The following ODF2 variants were observed in gnomAD, a reference collection of about 807,000 sequenced individuals.
ODF2 encodes the protein outer dense fiber of sperm tails 2.
In ODF2, 47 loss-of-function variants were observed where a neutral mutation model predicts 110.2. The observed-to-expected ratio is 0.43, with a 90% confidence interval of 0.34 to 0.54. The LOEUF is 0.54. ODF2 is among the 20% of genes least tolerant of loss of function. The pLI, the probability that ODF2 is intolerant of heterozygous loss-of-function variation, is 0.03. For synonymous variants in ODF2, 352 were observed against 397.7 expected (o/e 0.89, Z 1.37); for missense variants, 812 against 1,054.5 (o/e 0.77, Z 3.19).
At chr9:128,465,982 A>G (rs766030529) in intron 4 of ODF2, among the ~76,000 whole-genome samples, 10 of 151,822 alleles carry the variant, frequency 6.6e-5, no homozygotes, top group Admixed American at 4.6e-4. Flanking sequence ...TCTACTAAAA[A>G]TACAAAAATT....
At chr9:128,456,505 C>T (rs1352287177) in intron 1 of ODF2, 6 of 1,526,494 alleles carry the variant, frequency 3.9e-6, no homozygotes, top group Non-Finnish European at 5.3e-6. Context: ...GGCTCTGCCC[C>T]TCCTCTGCCG....
intron 8 of ODF2, among the ~76,000 whole-genome samples, chr9:128,478,869 G>A (rs1841876009): frequency 6.6e-6 from 1 of 152,062 alleles, no homozygotes; most frequent in African/African-American, 2.4e-5. Flanking sequence ...TCGGCTCCAG[G>A]GCCCAGTACT....
chr9:128,465,945 G>C (rs1837749000), intron 4 of ODF2, among the ~76,000 whole-genome samples: 1 of 151,844 alleles, frequency 6.6e-6, no homozygotes, highest in Non-Finnish European at 1.5e-5. Context: ...TTTGAGACCA[G>C]CCTAGCCAAC....
chr9:128,475,568 T>C (rs780826836), intron 8 of ODF2, among the ~76,000 whole-genome samples: 2 of 152,182 alleles, frequency 1.3e-5, no homozygotes, highest in Non-Finnish European at 2.9e-5. Context: ...TGAAATCTTA[T>C]ATCCTTGACC....
In ODF2 at chr9:128,500,044, C is replaced by T. The variant is rs781027804; in HGVS notation, c.2302-23C>T. The T allele has an allele frequency of 2.5e-5, 40 of 1,613,770 alleles. No individual in the cohort carries two copies. The Admixed American group carries it at 6.5e-4, about 26-fold the overall frequency. On this transcript the variant is annotated intron_variant, in intron 20 of 20. Transcript: ENST00000604420. ...TATTTTGGACACTGCACAGCGGGCC[C>T]ATGCTCTGTTTCTCCTCGTTAGGCG...
rs142129915 is a variant in ODF2, at chr9:128,500,233, G to A, written c.2468G>A (p.Arg823His). The change falls in exon 21 of 21, where the codon CGC becomes CAC. Residue 823 changes from arginine to histidine, a missense_variant. Around this residue, in one of 5 missense-constraint regions of ODF2, gnomAD observed 234 missense variants for 245.3 expected, o/e 0.95. Transcript: ENST00000604420. The stretch of plus-strand genomic sequence containing the variant: ...ACCTTCCTGACTAGCTCTCCCATCC[G>A]CTCCCGATCTCCTCCTGCCTGAGGC... 10,716 of 1,614,060 alleles carry A rather than the reference G, an allele frequency of 6.6e-3. 42 individuals are homozygous for A. Among genetic ancestry groups the A allele is most frequent in the South Asian group, 7.6e-3 (693 of 91,084 alleles).
intron 8 of ODF2, among the ~76,000 whole-genome samples, chr9:128,477,824 C>G (rs566138873): frequency 1.9e-4 from 29 of 151,960 alleles, no homozygotes; most frequent in African/African-American, 6.8e-4. Context: ...GTCTCAAACT[C>G]CTGACCTCAG....
At chr9:128,474,801 G>A (rs1447596902) in intron 8 of ODF2, among the ~76,000 whole-genome samples, 1 of 150,950 alleles carries the variant, frequency 6.6e-6, no homozygotes, top group Non-Finnish European at 1.5e-5. Flanking sequence ...ATCTCTACTT[G>A]AAAAATACAA....
intron 3 of ODF2, 49 bp downstream of exon 2, chr9:128,459,706 A>G (rs758917616): frequency 1.0e-5 from 15 of 1,442,858 alleles, no homozygotes; most frequent in African/African-American, 2.8e-5. Context: ...CTTGCTAAAA[A>G]TGCTTTTGCA....
intron 5 of ODF2, 64 bp from the exon 6 acceptor site, chr9:128,471,244 C>T: frequency 6.6e-7 from 1 of 1,503,946 alleles, no homozygotes; most frequent in Non-Finnish European, 9.0e-7. Flanking sequence ...AGCATTGAGC[C>T]TAGCAATGTG....
chr9:128,499,969 C>A, intron 20 of ODF2, 98 bp from the exon 21 acceptor site: 1 of 1,368,068 alleles, frequency 7.3e-7, no homozygotes, highest in South Asian at 1.3e-5. Flanking sequence ...ACTCGCCTCC[C>A]CAAACCTCCT....
intron 14 of ODF2, among the ~76,000 whole-genome samples, chr9:128,491,577 T>A (rs1259700937): frequency 1.3e-5 from 2 of 151,618 alleles, no homozygotes; most frequent in Admixed American, 1.3e-4. Flanking sequence ...GGCAGGAGAA[T>A]AGCTTGAACC....
intron 13 of ODF2, among the ~76,000 whole-genome samples, chr9:128,487,652 C>T (rs1318239493): frequency 5.9e-5 from 9 of 151,878 alleles, no homozygotes; most frequent in African/African-American, 1.2e-4. Flanking sequence ...CCGGGCGTGG[C>T]GGTGGGCGCC....
Position 128,485,487 on chromosome 9 carries a change from G to A in ODF2, c.1400+13G>A. 10 of 1,421,968 alleles carry A rather than the reference G, an allele frequency of 7.0e-6. No homozygotes were observed. The South Asian group carries it at 8.1e-5, about 12-fold the overall frequency. 88.1% of individuals were successfully genotyped at this position (1,421,968 alleles called of 1,614,324 possible). A position where few individuals can be genotyped will look rare whatever the true frequency, so the allele number is the denominator to read the frequency against. On this transcript the variant is annotated intron_variant, in intron 13 of 20. Transcript: ENST00000604420. The surrounding 1 kb of genome is among the most constrained non-coding windows in gnomAD (Gnocchi z 5.0). ...TTGTCCTGAATGAGTACGTCTTAGA[G>A]TAGGAGAGGGAATGTGGCGCTGTTG... is the stretch of plus-strand genomic sequence containing the variant.
intron 15 of ODF2, 77 bp downstream of exon 15, chr9:128,492,613 C>T: frequency 1.3e-6 from 2 of 1,515,742 alleles, no homozygotes; most frequent in Admixed American, 3.4e-5. Context: ...CCCTACCAGG[C>T]CACTCCCAGG....
At chr9:128,458,461 CAAAAAAAAA>C (rs55782363) in intron 2 of ODF2, among the ~76,000 whole-genome samples, 1 of 72,882 alleles carries the variant, frequency 1.4e-5, no homozygotes, top group Non-Finnish European at 2.9e-5. Context: ...GACTCTATCT[CAAAAAAAAA>C]AAAAAAAAAA....
At position 128,485,553 on chromosome 9, in the gene ODF2, G is replaced by A. The variant is rs1453621583; in HGVS notation, c.1400+79G>A. ...CAGGTGGGAGGGGCCTAGTGGCTCA[G>A]GGAAGGCCACGTGGCTGCTGTTTGT... On this transcript the variant is annotated intron_variant, in intron 13 of 20. Transcript: ENST00000604420. The surrounding 1 kb of genome is among the most constrained non-coding windows in gnomAD (Gnocchi z 5.0). The A allele has an allele frequency of 1.3e-6, 1 of 764,486 alleles. No individual in the cohort carries two copies. The highest frequency in any genetic ancestry group is 2.3e-6 in the Non-Finnish European group (1 of 437,388). The allele number at this position is 764,486 out of a possible 1,614,324, so 47.4% of individuals were successfully genotyped here. A position where few individuals can be genotyped will look rare whatever the true frequency, so the allele number is the denominator to read the frequency against.
chr9:128,500,261 C>G (rs763153826), exon 21 of ODF2: 110 of 1,613,802 alleles, frequency 6.8e-5, no homozygotes, highest in Non-Finnish European at 8.7e-5. Flanking sequence ...CCTGAGGCCA[C>G]TTATCAGGGC....
chr9:128,466,138 C>CA (rs375424947), intron 4 of ODF2, among the ~76,000 whole-genome samples: 1,508 of 134,178 alleles, frequency 0.011, 30 homozygotes, highest in East Asian at 0.078. Context: ...GTCTCCATCT[C>CA]AAAAAAAAAA....
Sources: allele counts gnomAD v4.1 joint callset (sites outside exome capture counted in the v4.1 genomes callset), GRCh38; gene constraint gnomAD v4.1.1; regional missense constraint gnomAD v4.1.1; non-coding constraint Gnocchi (gnomAD v3.1); transcripts MANE v1.5; gene names NCBI Gene and HGNC (gene_info 2026-07-23, HGNC 2026-07-21).